Variants in GRID2 observed in about 807,000 individuals in gnomAD.
GRID2 encodes the protein glutamate ionotropic receptor delta type subunit 2, also known as glutamate receptor ionotropic, delta-2.
Under a neutral mutation model 114.8 loss-of-function variants are expected in GRID2, and 33 were observed. The observed-to-expected ratio is 0.29, with a 90% CI of 0.22 to 0.38. GRID2 has a LOEUF of 0.38. Among genes scored for constraint, GRID2 ranks in the 10% least tolerant of loss-of-function variants. The pLI, the probability that GRID2 is intolerant of heterozygous loss-of-function variation, is 1.00. For missense variants in GRID2, 1,184 were observed against 1,257.7 expected (o/e 0.94, Z 0.89); for synonymous variants, 505 against 449.9 (o/e 1.12, Z -1.55).
Position 93,615,638 on chromosome 4 carries a change from C to CGAA in GRID2, c.2194-10631_2194-10630insGAA, listed in dbSNP as rs528767394. On this transcript the variant is annotated intron_variant, in intron 13 of 15. Coordinates refer to ENST00000282020, the MANE Select transcript of GRID2 (RefSeq NM_001510.4). ...GTGCTAATAATAAAAGGCCTTCACC[C>CGAA]CAAAAAAAAAAAAAAAGGAAATTGA... Among the ~76,000 whole-genome samples the CGAA allele has an allele frequency of 1.0e-4, 15 of 146,154 alleles. No homozygotes were observed. The East Asian group carries it at 1.8e-3, about 17-fold the overall frequency.
At chr4:93,352,273 T>G (rs1760879375) in intron 8 of GRID2, among the ~76,000 whole-genome samples, 1 of 152,002 alleles carries the variant, frequency 6.6e-6, no homozygotes, top group Admixed American at 6.6e-5. Context: ...TATTAACTAT[T>G]TTAAAGTTCA....
chr4:93,229,156 T>TG (rs1745827702), intron 7 of GRID2, among the ~76,000 whole-genome samples: 1 of 152,072 alleles, frequency 6.6e-6, no homozygotes, highest in Non-Finnish European at 1.5e-5. Flanking sequence ...AAAAATGGAT[T>TG]TTTAGAAAAA....
At chr4:93,436,569 A>G (rs1354825188) in intron 10 of GRID2, among the ~76,000 whole-genome samples, 1 of 152,192 alleles carries the variant, frequency 6.6e-6, no homozygotes, top group Non-Finnish European at 1.5e-5. Context: ...CCAAACAGGA[A>G]AAACAAAAGA....
At chr4:93,014,570 A>C (rs181024219) in intron 2 of GRID2, among the ~76,000 whole-genome samples, 292 of 152,228 alleles carry the variant, frequency 1.9e-3, no homozygotes, top group Admixed American at 6.0e-3. Flanking sequence ...TTTGTTTCAG[A>C]AAGGTCACTT....
intron 3 of GRID2, among the ~76,000 whole-genome samples, chr4:93,093,544 G>T (rs559054219): frequency 7.9e-5 from 12 of 152,094 alleles, no homozygotes; most frequent in African/African-American, 2.9e-4. Context: ...TATAACACAT[G>T]AATTCCAATT....
Position 92,396,390 on chromosome 4 carries a change from C to T in GRID2, c.88+91646C>T, listed in dbSNP as rs1035817596. 7.9e-5 allele frequency among the ~76,000 whole-genome samples: 12 copies of T among 151,926 alleles called. No individual in the cohort carries two copies. In the East Asian group the frequency reaches 1.9e-3, roughly 24 times the overall value. ...TAAATTCAGCGAAACAAATGTTTGC[C>T]GATTGCTTTTTGTAAGTACCTCTGA... On this transcript the variant is annotated intron_variant, in intron 1 of 15. Transcript: ENST00000282020.
chr4:93,739,420 C>T (rs924813511), intron 14 of GRID2, among the ~76,000 whole-genome samples: 4 of 152,054 alleles, frequency 2.6e-5, no homozygotes, highest in East Asian at 1.9e-4. Context: ...GATTCAGGTG[C>T]TTTCACCTTC....
chr4:93,352,120 G>T (rs181092896), intron 8 of GRID2, among the ~76,000 whole-genome samples: 47 of 152,116 alleles, frequency 3.1e-4, no homozygotes, highest in Non-Finnish European at 5.4e-4. Flanking sequence ...CTTAATTCCT[G>T]ACTTTGAAGC....
chr4:93,331,843 T>C (rs1320134617), intron 8 of GRID2, among the ~76,000 whole-genome samples: 2 of 152,062 alleles, frequency 1.3e-5, no homozygotes, highest in Non-Finnish European at 2.9e-5. Flanking sequence ...AGGTAATAGT[T>C]GTAAAGAGAC....
intron 2 of GRID2, among the ~76,000 whole-genome samples, chr4:92,763,307 C>A (rs1024549782): frequency 1.3e-5 from 2 of 152,154 alleles, no homozygotes; most frequent in Non-Finnish European, 2.9e-5. Context: ...GAGCTTACAA[C>A]TGAATGATAG....
chr4:92,339,921 T>C (rs775726890), intron 1 of GRID2, among the ~76,000 whole-genome samples: 26 of 152,146 alleles, frequency 1.7e-4, no homozygotes, highest in Non-Finnish European at 3.1e-4. Context: ...ATCACAAAGC[T>C]CGTTTTTATT....
chr4:93,357,507 T>C (rs549382984), intron 8 of GRID2, among the ~76,000 whole-genome samples: 14 of 151,648 alleles, frequency 9.2e-5, no homozygotes, highest in Middle Eastern at 3.5e-3. Flanking sequence ...CTATTAATTT[T>C]CCTTTTTATA....
At chr4:93,074,043 C>A (rs1729049463) in intron 2 of GRID2, among the ~76,000 whole-genome samples, 1 of 152,188 alleles carries the variant, frequency 6.6e-6, no homozygotes, top group Admixed American at 6.5e-5. Context: ...CAACTAAAAC[C>A]TGAGGGAGAA....
intron 2 of GRID2, among the ~76,000 whole-genome samples, chr4:93,023,468 C>T (rs897132819): frequency 1.3e-5 from 2 of 151,854 alleles, no homozygotes; most frequent in Non-Finnish European, 2.9e-5. Context: ...ACACATATGT[C>T]CGTTTTCTGT....
chr4:93,628,080 A>C (rs1302884318), intron 14 of GRID2, among the ~76,000 whole-genome samples: 1 of 152,176 alleles, frequency 6.6e-6, no homozygotes, highest in Non-Finnish European at 1.5e-5. Context: ...AGGCTGAGGC[A>C]TGAGAATCGC....
At chr4:93,658,222 T>G (rs1275666858) in intron 14 of GRID2, among the ~76,000 whole-genome samples, 1 of 152,188 alleles carries the variant, frequency 6.6e-6, no homozygotes, top group East Asian at 1.9e-4. Context: ...TGACTTTAGC[T>G]GGTAGGTAAT....
chr4:93,326,644 T>C (rs2149219292), intron 8 of GRID2, among the ~76,000 whole-genome samples: 1 of 151,976 alleles, frequency 6.6e-6, no homozygotes, highest in Admixed American at 6.6e-5. Flanking sequence ...GAGACAGGCA[T>C]GTGTACCCGC....
chr4:92,431,309 A>T (rs1436114043), intron 1 of GRID2, among the ~76,000 whole-genome samples: 1 of 152,100 alleles, frequency 6.6e-6, no homozygotes, highest in East Asian at 1.9e-4. Flanking sequence ...GGTTTTTGTC[A>T]TGAAGGGATG....
intron 8 of GRID2, among the ~76,000 whole-genome samples, chr4:93,370,446 CACACACGCACACACAA>C (rs1470165915): frequency 4.0e-5 from 6 of 150,740 alleles, no homozygotes; most frequent in African/African-American, 1.5e-4. Context: ...CAGGCACACA[CACACACGCACACACAA>C]ACACGCACAC....
Sources: gnomAD v4.1 joint callset for allele counts (sites outside exome capture counted in the v4.1 genomes callset) on GRCh38, gnomAD v4.1.1 for gene constraint, MANE v1.5 for transcripts, NCBI Gene and HGNC (gene_info 2026-07-23, HGNC 2026-07-21) for gene names.